SH3D19: variants seen among roughly 807,000 people sequenced by gnomAD.
The protein encoded by SH3D19 is SH3 domain containing 19.
SH3D19 carries 58 observed loss-of-function variants against 112.1 expected under a neutral mutation model. That is an observed-to-expected ratio of 0.52 (90% CI 0.42 to 0.64). SH3D19 has a LOEUF of 0.64. SH3D19 is among the 30% of genes least tolerant of loss of function. The pLI is 0.00. For missense variants in SH3D19, 1,090 were observed against 1,263.4 expected (o/e 0.86, Z 2.08); for synonymous variants, 391 against 448.5 (o/e 0.87, Z 1.62).
At chr4:151,182,454 G>A (rs1034572880) in intron 3 of SH3D19, among the ~76,000 whole-genome samples, 4 of 152,152 alleles carry the variant, frequency 2.6e-5, no homozygotes, top group Non-Finnish European at 4.4e-5. Flanking sequence ...GATTCTGCCC[G>A]TTCACACCAG....
chr4:151,158,694 A>T (rs538312805), intron 9 of SH3D19, among the ~76,000 whole-genome samples: 19 of 147,864 alleles, frequency 1.3e-4, no homozygotes, highest in South Asian at 8.4e-4. Context: ...AAAAAAAAAA[A>T]TAAATAAAAG....
At chr4:151,178,281 T>C (rs1478554870) in intron 4 of SH3D19, among the ~76,000 whole-genome samples, 1 of 152,216 alleles carries the variant, frequency 6.6e-6, no homozygotes, top group Non-Finnish European at 1.5e-5. Context: ...AAGTTTTGAT[T>C]GGAAAACTCA....
intron 1 of SH3D19, among the ~76,000 whole-genome samples, chr4:151,258,734 G>T (rs565143851): frequency 2.0e-5 from 3 of 152,316 alleles, no homozygotes; most frequent in Admixed American, 2.0e-4. Flanking sequence ...CTGGCAGGGG[G>T]TGAAGACCAA....
intron 10 of SH3D19, 66 bp downstream of exon 10, chr4:151,149,434 G>A: frequency 1.6e-6 from 2 of 1,283,244 alleles, no homozygotes; most frequent in Non-Finnish European, 2.2e-6. Context: ...ACTCAATCTT[G>A]GTGATAAAAA....
chr4:151,122,698 G>A (rs995530927), intron 19 of SH3D19, among the ~76,000 whole-genome samples: 1 of 152,160 alleles, frequency 6.6e-6, no homozygotes, highest in African/African-American at 2.4e-5. Context: ...CACTGAAGGT[G>A]TCATATAGGC....
At chr4:151,216,877 C>CTGTGTGTGTGTGTGTGTGTGTG (rs34575245) in intron 2 of SH3D19, among the ~76,000 whole-genome samples, 2 of 140,874 alleles carry the variant, frequency 1.4e-5, no homozygotes, top group African/African-American at 5.2e-5. Flanking sequence ...CAAAACAACA[C>CTGTGTGTGTGTGTGTGTGTGTG]TGTGTGTGTG....
chr4:151,144,027 C>T lies in SH3D19; in HGVS notation c.2106G>A (p.Leu702=). 1 of 1,614,048 alleles carries T rather than the reference C, an allele frequency of 6.2e-7. No homozygotes were observed. Among genetic ancestry groups the T allele is most frequent in the Non-Finnish European group, 8.5e-7 (1 of 1,179,984 alleles). The stretch of plus-strand genomic sequence containing the variant: ...CCAAGTAATTATTTTCCGTCTGCTT[C>T]AGCATCACAAGTACATCCCCACGCT... ...KYMRGDVLVM[L]KQTENNYLEC... is the part of the protein sequence containing the mutation. The change falls in exon 12 of 20, where the codon CTG becomes CTA. Residue 702 remains leucine, a synonymous_variant. Coordinates refer to ENST00000604030, the MANE Select transcript of SH3D19 (RefSeq NM_001378122.1).
intron 12 of SH3D19, among the ~76,000 whole-genome samples, chr4:151,143,630 G>GA (rs1753409027): frequency 6.8e-6 from 1 of 148,102 alleles, no homozygotes; most frequent in South Asian, 2.1e-4. Flanking sequence ...TTTTTTATTT[G>GA]TTTTTTTTTT....
chr4:151,137,718 C>T lies in SH3D19; in HGVS notation c.2427+14G>A, dbSNP rs1358839791. 1 of 1,574,768 alleles carries T rather than the reference C, an allele frequency of 6.4e-7. No homozygotes were observed. The highest frequency in any genetic ancestry group is 8.6e-7 in the Non-Finnish European group (1 of 1,163,768). ...GAGTATATGACCAAATTAAAACAAA[C>T]ACAACCCACTTACAATCACTTTGAC... On this transcript the variant is annotated intron_variant, in intron 14 of 19. Coordinates refer to ENST00000604030, the MANE Select transcript of SH3D19 (RefSeq NM_001378122.1).
intron 2 of SH3D19, among the ~76,000 whole-genome samples, chr4:151,208,122 G>A (rs568236734): frequency 1.7e-4 from 26 of 152,288 alleles, no homozygotes; most frequent in African/African-American, 6.0e-4. Flanking sequence ...CCAGTTGATG[G>A]GACTTTATCA....
At position 151,138,261 on chromosome 4, in the gene SH3D19, A is replaced by T. The variant is rs187827868; in HGVS notation, c.2297-399T>A. 7.2e-5 allele frequency among the ~76,000 whole-genome samples: 11 copies of T among 152,322 alleles called. No homozygotes were observed. In the East Asian group the frequency reaches 2.1e-3, roughly 29 times the overall value. On this transcript the variant is annotated intron_variant, in intron 13 of 19. Transcript: ENST00000604030. ...TTTAATTTCAAATATTAACTAAGGG[A>T]GTACTACAACTCTTTAGCAAATAAG...
intron 10 of SH3D19, among the ~76,000 whole-genome samples, chr4:151,148,934 A>G (rs1754434882): frequency 6.6e-6 from 1 of 152,248 alleles, no homozygotes; most frequent in Admixed American, 6.5e-5. Flanking sequence ...GCTACTTGGG[A>G]GGCTGAGGCA....
At position 151,177,057 on chromosome 4, in the gene SH3D19, G is replaced by A. The variant is rs1760060528; in HGVS notation, c.237-102C>T. The A allele has an allele frequency of 2.8e-6, 3 of 1,076,176 alleles. No individual in the cohort carries two copies. In the East Asian group the frequency reaches 9.7e-5, roughly 35 times the overall value. 66.7% of individuals were successfully genotyped at this position (1,076,176 alleles called of 1,614,324 possible). A position where few individuals can be genotyped will look rare whatever the true frequency, so the allele number is the denominator to read the frequency against. ...ATGAAAACCACCATCAACCAAAAAA[G>A]TTGTAAGAACTAACACAGTCACAGA... On this transcript the variant is annotated intron_variant, in intron 4 of 19. Transcript: ENST00000604030.
At chr4:151,139,711 C>T (rs993267663) in intron 13 of SH3D19, 64 bp downstream of exon 13, 16 of 1,463,148 alleles carry the variant, frequency 1.1e-5, no homozygotes, top group Non-Finnish European at 7.6e-6. Context: ...GGCTAACCCC[C>T]GGCAGGGAAA....
intron 9 of SH3D19, among the ~76,000 whole-genome samples, chr4:151,153,311 G>A (rs1370362922): frequency 1.3e-5 from 2 of 151,862 alleles, no homozygotes; most frequent in Non-Finnish European, 2.9e-5. Context: ...ACAGTGGCGC[G>A]ATCTCGGCTC....
chr4:151,222,330 A>G (rs934107019), intron 2 of SH3D19, among the ~76,000 whole-genome samples: 2 of 152,222 alleles, frequency 1.3e-5, no homozygotes, highest in African/African-American at 2.4e-5. Context: ...CCTTTCATCT[A>G]TTCACCAATT....
At chr4:151,221,770 T>C (rs1010306850) in intron 2 of SH3D19, among the ~76,000 whole-genome samples, 1 of 152,184 alleles carries the variant, frequency 6.6e-6, no homozygotes, top group Non-Finnish European at 1.5e-5. Flanking sequence ...AGATTAAAAA[T>C]ACTGAGAATA....
chr4:151,195,153 G>A (rs565367635), intron 2 of SH3D19, among the ~76,000 whole-genome samples: 10 of 150,808 alleles, frequency 6.6e-5, no homozygotes, highest in Non-Finnish European at 1.0e-4. Flanking sequence ...GGTGGATCAC[G>A]AGGTCAGGAG....
At chr4:151,205,398 A>G (rs1416056919) in intron 2 of SH3D19, among the ~76,000 whole-genome samples, 1 of 152,126 alleles carries the variant, frequency 6.6e-6, no homozygotes, top group African/African-American at 2.4e-5. Flanking sequence ...CTATCAGTGA[A>G]TTCTTGGAGA....
Sources: allele counts gnomAD v4.1 joint callset (sites outside exome capture counted in the v4.1 genomes callset), GRCh38; gene constraint gnomAD v4.1.1; transcripts MANE v1.5; gene names NCBI Gene and HGNC (gene_info 2026-07-23, HGNC 2026-07-21).